Variants in PIK3R5 observed in about 807,000 individuals in gnomAD.
PIK3R5 encodes the protein phosphoinositide-3-kinase regulatory subunit 5.
A neutral mutation model predicts 94.9 loss-of-function variants in PIK3R5; 32 were observed. That is an observed-to-expected ratio of 0.34 (90% CI 0.25 to 0.45). The LOEUF is 0.45. Among genes scored for constraint, PIK3R5 ranks in the 20% least tolerant of loss-of-function variants. PIK3R5 has a pLI of 1.00. For missense variants in PIK3R5, 853 were observed against 1,144.6 expected, an observed-to-expected ratio of 0.75 and a Z score of 3.68; for synonymous variants, 443 against 479.4, an observed-to-expected ratio of 0.92 and a Z score of 0.99.
intron 1 of PIK3R5, among the ~76,000 whole-genome samples, chr17:8,920,708 T>G (rs1270395956): frequency 6.6e-6 from 1 of 152,230 alleles, no homozygotes; most frequent in East Asian, 1.9e-4. Flanking sequence ...TTAAAGTTAA[T>G]TAGCAAGAAT....
chr17:8,900,166 G>C (rs192248885), intron 5 of PIK3R5, among the ~76,000 whole-genome samples: 23 of 152,310 alleles, frequency 1.5e-4, no homozygotes, highest in African/African-American at 4.6e-4. Context: ...TTAACTGGTG[G>C]ATGTGAGATA....
At chr17:8,953,275 C>T (rs10048154) in intron 1 of PIK3R5, among the ~76,000 whole-genome samples, 6,735 of 152,250 alleles carry the variant, frequency 0.044, 204 homozygotes, top group Non-Finnish European at 0.064. Context: ...ACCTGAGCTA[C>T]TTAGCCTCAC....
In PIK3R5 at chr17:8,881,747, C is replaced by T. The variant is rs2089667556; in HGVS notation, c.2300-35G>A. The T allele has an allele frequency of 6.2e-7, 1 of 1,612,720 alleles. No individual in the cohort carries two copies. The highest frequency in any genetic ancestry group is 8.5e-7 in the Non-Finnish European group (1 of 1,178,786). ...AAGGACACTCAGGCCAGGCTCAGAG[C>T]ACCTCCCTACTGCACACCCCACACT... On this transcript the variant is annotated intron_variant, in intron 16 of 18. Transcript: ENST00000447110. This position sits in a 1 kb window ranked among gnomAD's most constrained non-coding sequence, Gnocchi z 4.8.
rs556694748 is a variant in PIK3R5 at position 8,926,002 on chromosome 17, G to C, written c.-13-14495C>G. 1.2e-4 allele frequency among the ~76,000 whole-genome samples: 19 copies of C among 152,328 alleles called. No homozygotes were observed. In the South Asian group the frequency reaches 3.7e-3, roughly 30 times the overall value. On this transcript the variant is annotated intron_variant, in intron 1 of 18. Transcript: ENST00000447110. ...TGAGGCTGTGAACCATGTGAAGCGA[G>C]AAGAGTGAGGAGAACACCTCCAGTG...
chr17:8,887,949 C>T (rs1348123615), intron 10 of PIK3R5, among the ~76,000 whole-genome samples: 6 of 149,132 alleles, frequency 4.0e-5, no homozygotes, highest in African/African-American at 9.8e-5. Context: ...TGCAGTGAGC[C>T]GAGATCATGC....
rs568814868 is a variant in PIK3R5 at position 8,920,450 on chromosome 17, C to T, written c.-13-8943G>A. Among the ~76,000 whole-genome samples the T allele has an allele frequency of 3.9e-5, 6 of 152,284 alleles. No individual in the cohort carries two copies. In the East Asian group the frequency reaches 7.7e-4, roughly 20 times the overall value. On this transcript the variant is annotated intron_variant, in intron 1 of 18. Coordinates refer to ENST00000447110, the MANE Select transcript of PIK3R5 (RefSeq NM_001142633.3). ...GGTGAAGGGACTTGCCCAGATCAGA[C>T]GGCAGTAAATCTGTAAGTAGAATCT...
chr17:8,940,217 AGCTGGGC>A (rs2091150304), intron 1 of PIK3R5, among the ~76,000 whole-genome samples: 1 of 152,230 alleles, frequency 6.6e-6, no homozygotes, highest in South Asian at 2.1e-4. Context: ...TGGGGCAAGC[AGCTGGGC>A]ACGTGGGAGG....
chr17:8,941,185 G>A (rs1461454018), intron 1 of PIK3R5, among the ~76,000 whole-genome samples: 1 of 152,162 alleles, frequency 6.6e-6, no homozygotes, highest in African/African-American at 2.4e-5. Context: ...ACTGAGGGGT[G>A]TAGCGGGATA....
chr17:8,913,504 C>G (rs1057064690), intron 1 of PIK3R5, among the ~76,000 whole-genome samples: 1 of 152,142 alleles, frequency 6.6e-6, no homozygotes, highest in South Asian at 2.1e-4. Context: ...GTCAGGATTT[C>G]GAATCCAGCC....
chr17:8,943,105 C>T (rs1440017834), intron 1 of PIK3R5, among the ~76,000 whole-genome samples: 3 of 151,798 alleles, frequency 2.0e-5, no homozygotes, highest in South Asian at 2.1e-4. Flanking sequence ...GACAGGGTCT[C>T]GCTCTGTTGC....
At chr17:8,905,830 T>TA in intron 3 of PIK3R5, 93 bp from the exon 4 acceptor site, 51 of 619,004 alleles carry the variant, frequency 8.2e-5, no homozygotes, top group Middle Eastern at 6.6e-4. Context: ...TTCTAGCCTT[T>TA]CTTTTTTTTT....
intron 5 of PIK3R5, among the ~76,000 whole-genome samples, chr17:8,895,116 A>T (rs906376499): frequency 2.0e-5 from 3 of 152,092 alleles, no homozygotes; most frequent in African/African-American, 7.2e-5. Flanking sequence ...AGGACTTGGG[A>T]CACCATCTGG....
chr17:8,897,388 G>C (rs2090175270), intron 5 of PIK3R5, among the ~76,000 whole-genome samples: 1 of 152,204 alleles, frequency 6.6e-6, no homozygotes, highest in Admixed American at 6.5e-5. Flanking sequence ...TGAAAGGCCA[G>C]TGCCACCACA....
At chr17:8,946,878 C>T (rs1051351772) in intron 1 of PIK3R5, among the ~76,000 whole-genome samples, 1 of 152,136 alleles carries the variant, frequency 6.6e-6, no homozygotes, top group Non-Finnish European at 1.5e-5. Context: ...AGCCCCATCT[C>T]GGCTGCCTCC....
chr17:8,896,821 C>T lies in PIK3R5; in HGVS notation c.413-3166G>A, dbSNP rs1413590444. On this transcript the variant is annotated intron_variant, in intron 5 of 18. Transcript: ENST00000447110. This position sits in a 1 kb window ranked among gnomAD's most constrained non-coding sequence, Gnocchi z 4.0. ...GCCTGGGGGAGGCAGGGAGCAACCA[C>T]ATCTGACTCAGTTTCCTCCTACAAG... 6.6e-6 allele frequency among the ~76,000 whole-genome samples: 1 copy of T among 152,172 alleles called. No individual in the cohort carries two copies. Among genetic ancestry groups the T allele is most frequent in the Non-Finnish European group, 1.5e-5 (1 of 68,012 alleles).
intron 1 of PIK3R5, among the ~76,000 whole-genome samples, chr17:8,924,499 T>C (rs946244085): frequency 6.6e-6 from 1 of 152,182 alleles, no homozygotes; most frequent in African/African-American, 2.4e-5. Context: ...TTCTAGATGC[T>C]TTACTATCAG....
intron 1 of PIK3R5, among the ~76,000 whole-genome samples, chr17:8,943,238 C>G (rs1033667857): frequency 6.6e-6 from 1 of 151,970 alleles, no homozygotes; most frequent in African/African-American, 2.4e-5. Context: ...CAAAGCCTGG[C>G]TAATTTTTAA....
At chr17:8,965,001 C>CCCCCCACACACA (rs111241313) in intron 1 of PIK3R5, among the ~76,000 whole-genome samples, 2 of 150,696 alleles carry the variant, frequency 1.3e-5, no homozygotes, top group Non-Finnish European at 3.0e-5. Flanking sequence ...ATGCGCATGC[C>CCCCCCACACACA]CACACACACA....
At chr17:8,891,895 C>T (rs1419959696) in intron 6 of PIK3R5, among the ~76,000 whole-genome samples, 1 of 152,094 alleles carries the variant, frequency 6.6e-6, no homozygotes, top group Non-Finnish European at 1.5e-5. Context: ...TGAGCCACCG[C>T]GCCCGGCTAC....
Sources: gnomAD v4.1 joint callset for allele counts (sites outside exome capture counted in the v4.1 genomes callset) on GRCh38, gnomAD v4.1.1 for gene constraint, Gnocchi (gnomAD v3.1) non-coding constraint, MANE v1.5 for transcripts, NCBI Gene and HGNC (gene_info 2026-07-23, HGNC 2026-07-21) for gene names.